XKR4: variants seen among roughly 807,000 people sequenced by gnomAD.
XKR4 encodes XK-related protein 4.
A neutral mutation model predicts 53.9 loss-of-function variants in XKR4; 12 were observed. The ratio of observed to expected loss-of-function variants is 0.22; its 90% CI spans 0.14 to 0.36. XKR4 has a LOEUF of 0.36. Among genes scored for constraint, XKR4 ranks in the 10% least tolerant of loss-of-function variants. The pLI is 1.00. For synonymous variants in XKR4, 354 were observed against 362.4 expected, an observed-to-expected ratio of 0.98 and a Z score of 0.26; for missense variants, 799 against 859.5, an observed-to-expected ratio of 0.93 and a Z score of 0.88.
rs548711185 is a variant in XKR4 at position 55,426,216 on chromosome 8, A to T, written c.1006+68339A>T. ...AACTTTTCAAACTTAGATATGGACA[A>T]TTGCACAGAGTTTCTTTTGCTTTAG... On this transcript the variant is annotated intron_variant, in intron 2 of 2. Transcript: ENST00000327381. Among the ~76,000 whole-genome samples the T allele has an allele frequency of 1.4e-4, 21 of 152,350 alleles. No homozygotes were observed. The East Asian group carries it at 3.1e-3, about 22-fold the overall frequency.
chr8:55,344,134 C>A (rs1341866124), intron 1 of XKR4, among the ~76,000 whole-genome samples: 1 of 152,164 alleles, frequency 6.6e-6, no homozygotes, highest in Non-Finnish European at 1.5e-5. Flanking sequence ...GTTATACCCC[C>A]ACTCTCTCTC....
At chr8:55,407,821 T>G (rs1804709597) in intron 2 of XKR4, among the ~76,000 whole-genome samples, 1 of 152,270 alleles carries the variant, frequency 6.6e-6, no homozygotes, top group South Asian at 2.1e-4. Flanking sequence ...TGGGGATTTT[T>G]GCTTTTATTT....
intron 1 of XKR4, among the ~76,000 whole-genome samples, chr8:55,183,477 C>T (rs1817340550): frequency 6.6e-6 from 1 of 151,910 alleles, no homozygotes; most frequent in South Asian, 2.1e-4. Context: ...TTTATTTTGA[C>T]ACTTCCTCAT....
At chr8:55,173,030 T>G (rs905679689) in intron 1 of XKR4, among the ~76,000 whole-genome samples, 7 of 152,066 alleles carry the variant, frequency 4.6e-5, no homozygotes, top group African/African-American at 1.7e-4. Context: ...GTAGCTGGAG[T>G]GAGTATTGTT....
chr8:55,123,312 A>T (rs1000623411), intron 1 of XKR4, among the ~76,000 whole-genome samples: 1 of 152,206 alleles, frequency 6.6e-6, no homozygotes, highest in African/African-American at 2.4e-5. Context: ...TAAATTCCTC[A>T]TTTCTAGATA....
At chr8:55,218,280 T>C (rs1817832387) in intron 1 of XKR4, among the ~76,000 whole-genome samples, 2 of 152,356 alleles carry the variant, frequency 1.3e-5, no homozygotes, top group Middle Eastern at 3.4e-3. Flanking sequence ...AATTATGTCA[T>C]GTGATATGTG....
At chr8:55,500,875 AG>A (rs1440305728) in intron 2 of XKR4, among the ~76,000 whole-genome samples, 1 of 152,240 alleles carries the variant, frequency 6.6e-6, no homozygotes, top group Non-Finnish European at 1.5e-5. Context: ...TTCTAAACCC[AG>A]GTTCAAAATA....
intron 1 of XKR4, among the ~76,000 whole-genome samples, chr8:55,137,252 G>T (rs1816644110): frequency 6.6e-6 from 1 of 151,008 alleles, no homozygotes; most frequent in African/African-American, 2.4e-5. Flanking sequence ...GAGAGAGGAG[G>T]GGAAAAAAAA....
At chr8:55,347,442 G>T (rs7823351) in intron 1 of XKR4, among the ~76,000 whole-genome samples, 14 of 152,158 alleles carry the variant, frequency 9.2e-5, no homozygotes, top group Non-Finnish European at 1.8e-4. Context: ...AAAATGCTAA[G>T]GAAATCACAA....
chr8:55,241,341 A>G (rs1818207853), intron 1 of XKR4, among the ~76,000 whole-genome samples: 1 of 152,136 alleles, frequency 6.6e-6, no homozygotes, highest in African/African-American at 2.4e-5. Context: ...TGGTCCTGGC[A>G]TTGCAGCTGT....
At chr8:55,336,868 G>A (rs1313153589) in intron 1 of XKR4, among the ~76,000 whole-genome samples, 1 of 152,104 alleles carries the variant, frequency 6.6e-6, no homozygotes, top group Non-Finnish European at 1.5e-5. Flanking sequence ...GCCTAGTGGT[G>A]TGCATGCATC....
intron 1 of XKR4, among the ~76,000 whole-genome samples, chr8:55,259,177 G>A (rs898347561): frequency 5.3e-5 from 8 of 152,220 alleles, no homozygotes; most frequent in African/African-American, 1.2e-4. Flanking sequence ...CATCCACTGC[G>A]CGGGGACGCA....
chr8:55,521,405 T>C (rs1281608822), intron 2 of XKR4, among the ~76,000 whole-genome samples: 1 of 152,208 alleles, frequency 6.6e-6, no homozygotes, highest in Non-Finnish European at 1.5e-5. Flanking sequence ...TCCTTCCCCC[T>C]CTTTCACTCC....
At chr8:55,141,916 T>G (rs1442478923) in intron 1 of XKR4, among the ~76,000 whole-genome samples, 1 of 151,990 alleles carries the variant, frequency 6.6e-6, no homozygotes, top group Non-Finnish European at 1.5e-5. Context: ...GAGCTCTACC[T>G]CCAAGTGGGA....
chr8:55,246,971 A>T (rs1818293495), intron 1 of XKR4, among the ~76,000 whole-genome samples: 1 of 152,198 alleles, frequency 6.6e-6, no homozygotes, highest in South Asian at 2.1e-4. Flanking sequence ...AAGAGAGATA[A>T]GATGTCTTAG....
intron 2 of XKR4, among the ~76,000 whole-genome samples, chr8:55,465,864 C>T (rs1585589918): frequency 6.6e-6 from 1 of 152,258 alleles, no homozygotes; most frequent in South Asian, 2.1e-4. Context: ...AACATTTATG[C>T]AGCCAAAAGA....
chr8:55,444,300 C>T (rs76953086), intron 2 of XKR4, among the ~76,000 whole-genome samples: 2,463 of 152,220 alleles, frequency 0.016, 64 homozygotes, highest in African/African-American at 0.057. Context: ...GTATAGGAAG[C>T]GAACTCAGGA....
chr8:55,397,267 T>A (rs757537999), intron 2 of XKR4, among the ~76,000 whole-genome samples: 4 of 152,188 alleles, frequency 2.6e-5, no homozygotes, highest in Non-Finnish European at 5.9e-5. Flanking sequence ...ATAATATGAG[T>A]AGTATTTAAA....
intron 1 of XKR4, among the ~76,000 whole-genome samples, chr8:55,335,955 G>A (rs759914851): frequency 7.0e-6 from 1 of 143,166 alleles, no homozygotes; most frequent in Non-Finnish European, 1.5e-5. Context: ...GCATAATTGA[G>A]TTAATTTTGG....
Sources: gnomAD v4.1 joint callset for allele counts (sites outside exome capture counted in the v4.1 genomes callset) on GRCh38, gnomAD v4.1.1 for gene constraint, MANE v1.5 for transcripts, NCBI Gene and HGNC (gene_info 2026-07-23, HGNC 2026-07-21) for gene names.